Variants in CAPS2 observed in about 807,000 individuals in gnomAD.
CAPS2 encodes calcyphosin-2.
Under a neutral mutation model 86.5 loss-of-function variants are expected in CAPS2, and 98 were observed. The ratio of observed to expected loss-of-function variants is 1.13; its 90% confidence interval spans 0.96 to 1.34. CAPS2 has a LOEUF of 1.34. Ranked by LOEUF, CAPS2 falls within the 40% of genes most tolerant of loss-of-function variation. The pLI is 0.00. For missense variants in CAPS2, 729 were observed against 686.8 expected (o/e 1.06, Z -0.69); for synonymous variants, 210 against 225.1 (o/e 0.93, Z 0.60).
intron 1 of CAPS2, among the ~76,000 whole-genome samples, chr12:75,377,273 A>G (rs1172684399): frequency 6.6e-6 from 1 of 152,216 alleles, no homozygotes; most frequent in African/African-American, 2.4e-5. Flanking sequence ...CACTCCTGGT[A>G]CCAAAATCTG....
At chr12:75,315,513 A>G (rs1593478031) in intron 6 of CAPS2, among the ~76,000 whole-genome samples, 1 of 152,228 alleles carries the variant, frequency 6.6e-6, no homozygotes, top group East Asian at 1.9e-4. Flanking sequence ...GATTGATTAT[A>G]TATTACTGTT....
At chr12:75,347,033 A>C (rs2139388776) in intron 1 of CAPS2, among the ~76,000 whole-genome samples, 1 of 151,822 alleles carries the variant, frequency 6.6e-6, no homozygotes, top group East Asian at 1.9e-4. Flanking sequence ...TTTCCATAGA[A>C]GTCTTCTTCC....
intron 1 of CAPS2, among the ~76,000 whole-genome samples, chr12:75,381,149 C>A (rs2044946254): frequency 6.6e-6 from 1 of 152,168 alleles, no homozygotes; most frequent in South Asian, 2.1e-4. Flanking sequence ...AGGGGCCAGT[C>A]TTTCCTGTGC....
At chr12:75,353,023 A>C (rs905751192) in intron 1 of CAPS2, among the ~76,000 whole-genome samples, 2 of 152,188 alleles carry the variant, frequency 1.3e-5, no homozygotes, top group Admixed American at 1.3e-4. Context: ...TATAGTGCTA[A>C]ATGCTCACAT....
chr12:75,344,411 G>C (rs769563240), intron 1 of CAPS2, among the ~76,000 whole-genome samples: 1 of 151,890 alleles, frequency 6.6e-6, no homozygotes, highest in Non-Finnish European at 1.5e-5. Flanking sequence ...TTAGTCTCCT[G>C]TTAATCCCAT....
chr12:75,297,745 C>T, intron 11 of CAPS2, among the ~76,000 whole-genome samples: 1 of 152,314 alleles, frequency 6.6e-6, no homozygotes, highest in Non-Finnish European at 1.5e-5. Context: ...TCCAACCAGA[C>T]TGAACTACTT....
In CAPS2 at chr12:75,304,925, C is replaced by T. The variant is rs773841222; in HGVS notation, c.660-49G>A. 166 of 1,573,402 alleles carry T rather than the reference C, an allele frequency of 1.1e-4. 3 individuals carry two copies. The Middle Eastern group carries it at 5.3e-3, about 50-fold the overall frequency. On this transcript the variant is annotated intron_variant, in intron 7 of 16. Coordinates refer to ENST00000393284, the Ensembl canonical transcript of CAPS2. ...AACAATTAAATATGATCATGCATTA[C>T]TTTAAAATTCACATATTTATAAGCA...
chr12:75,289,535 G>T, intron 14 of CAPS2, 86 bp downstream of exon 14: 1 of 1,234,658 alleles, frequency 8.1e-7, no homozygotes, highest in Non-Finnish European at 1.1e-6. Context: ...GAAAATAAAT[G>T]AAAACTAAAA....
At chr12:75,298,956 C>T in exon 10 of CAPS2, 1 of 1,591,308 alleles carries the variant, frequency 6.3e-7, no homozygotes, top group South Asian at 1.2e-5. Flanking sequence ...CTGCAAGCAT[C>T]ACGTCCATTA....
upstream of CAPS2, among the ~76,000 whole-genome samples, chr12:75,327,783 CATT>C (rs1007656902): frequency 9.3e-4 from 140 of 149,900 alleles, no homozygotes; most frequent in African/African-American, 3.3e-3. Context: ...CGGTAGCCAT[CATT>C]ATTATTACAA....
At chr12:75,323,023 C>G in exon 4 of CAPS2, 1 of 1,550,360 alleles carries the variant, frequency 6.5e-7, no homozygotes, top group South Asian at 1.2e-5. Context: ...TGGTGTGACC[C>G]AGCCAAGAGT....
chr12:75,339,756 A>C (rs2139289375), intron 1 of CAPS2, among the ~76,000 whole-genome samples: 1 of 152,172 alleles, frequency 6.6e-6, no homozygotes, highest in East Asian at 1.9e-4. Flanking sequence ...TCTTGAGCTA[A>C]TTTTTGGATA....
chr12:75,389,550 A>G (rs2045466420), intron 1 of CAPS2, among the ~76,000 whole-genome samples: 1 of 152,232 alleles, frequency 6.6e-6, no homozygotes, highest in Admixed American at 6.5e-5. Context: ...CATTTTTTGC[A>G]GTCTAACAAC....
intron 1 of CAPS2, among the ~76,000 whole-genome samples, chr12:75,386,973 G>A (rs1282589590): frequency 1.3e-5 from 2 of 152,068 alleles, no homozygotes; most frequent in African/African-American, 2.4e-5. Flanking sequence ...GGTTATATAA[G>A]AGAAAATCTA....
At chr12:75,385,444 A>C (rs1011552821) in intron 1 of CAPS2, among the ~76,000 whole-genome samples, 9 of 152,126 alleles carry the variant, frequency 5.9e-5, no homozygotes, top group Admixed American at 3.3e-4. Flanking sequence ...ATAGTAGGAA[A>C]CTTCCCTGAG....
chr12:75,343,545 CACTA>C (rs1323758451), intron 1 of CAPS2: 5 of 631,358 alleles, frequency 7.9e-6, no homozygotes, highest in Non-Finnish European at 1.1e-5. Flanking sequence ...AAAAAGAAAT[CACTA>C]ACTATGCACA....
At chr12:75,369,552 G>A (rs531307650) in intron 1 of CAPS2, 30 of 983,070 alleles carry the variant, frequency 3.1e-5, no homozygotes, top group South Asian at 1.9e-4. Context: ...AAAAGACATC[G>A]AGAAATATTT....
intron 6 of CAPS2, 144 bp from the exon 7 acceptor site, chr12:75,313,059 G>C: frequency 2.2e-6 from 1 of 452,778 alleles, no homozygotes; most frequent in Non-Finnish European, 3.9e-6. Flanking sequence ...ATAGATTATA[G>C]ATTACTTTCC....
intron 1 of CAPS2, among the ~76,000 whole-genome samples, chr12:75,380,921 G>A (rs1377080033): frequency 6.6e-6 from 1 of 152,152 alleles, no homozygotes; most frequent in East Asian, 1.9e-4. Context: ...TCAAACATAT[G>A]ACCATACTTC....
Sources: gnomAD v4.1 joint callset for allele counts (sites outside exome capture counted in the v4.1 genomes callset) on GRCh38, gnomAD v4.1.1 for gene constraint, MANE v1.5 for transcripts, NCBI Gene and HGNC (gene_info 2026-07-23, HGNC 2026-07-21) for gene names.